The following PCDHA12 variants were observed in gnomAD, a reference collection of about 807,000 sequenced individuals.
PCDHA12 encodes the protein protocadherin alpha-12.
Under a neutral mutation model 60.0 loss-of-function variants are expected in PCDHA12, and 44 were observed. The ratio of observed to expected loss-of-function variants is 0.73; its 90% CI spans 0.58 to 0.94. The LOEUF (loss-of-function observed/expected upper bound fraction) is 0.94, where lower values mean the gene tolerates loss of function less well. PCDHA12 is among the 40% of genes least tolerant of loss of function. PCDHA12 has a pLI of 0.00. For missense variants in PCDHA12, 1,276 were observed against 1,239.7 expected, an observed-to-expected ratio of 1.03 and a Z score of -0.44; for synonymous variants, 569 against 553.0, an observed-to-expected ratio of 1.03 and a Z score of -0.40.
rs1554231844 is a variant in PCDHA12, at chr5:140,969,454, A to G, written c.2368-9495A>G. On this transcript the variant is annotated intron_variant, in intron 1 of 3. Coordinates refer to ENST00000398631, the MANE Select transcript of PCDHA12 (RefSeq NM_018903.4). ...AAGAGTTATCTGGTAAACTGAGTAT[A>G]TATAGTATCCACAATTTGATCATAA... 7.9e-6 allele frequency: 12 copies of G among 1,511,706 alleles called. No individual in the cohort carries two copies. The South Asian group carries it at 9.0e-5, about 11-fold the overall frequency. The allele number at this position is 1,511,706 out of a possible 1,614,324, so 93.6% of individuals were successfully genotyped here.
At chr5:140,976,208 A>G (rs2096706017) in intron 1 of PCDHA12, among the ~76,000 whole-genome samples, 1 of 152,202 alleles carries the variant, frequency 6.6e-6, no homozygotes, top group Non-Finnish European at 1.5e-5. Context: ...TCAGAAGTAA[A>G]AAAGAGAAAG....
chr5:140,876,723 C>G lies in PCDHA12; in HGVS notation c.1251C>G (p.Ser417Arg). 1.2e-6 allele frequency: 2 copies of G among 1,614,250 alleles called. No homozygotes were observed. Among genetic ancestry groups the G allele is most frequent in the African/African-American group, 2.7e-5 (2 of 75,068 alleles). Residue 417 changes from serine to arginine, a missense_variant, in exon 1 of 4, where the codon AGC becomes AGG. Ser to Arg is a moderately radical substitution (Grantham distance 110, BLOSUM62 -1). Coordinates refer to ENST00000398631, the MANE Select transcript of PCDHA12 (RefSeq NM_018903.4). ...TGGACAGCGCCCTGGACCGCGAGAG[C>G]GTGTCGGCCTATGAGCTGGTGGTGA... Reference protein sequence around the residue: ...LVLDSALDRESVSAYELVVTA... With the variant: ...LVLDSALDRERVSAYELVVTA...
chr5:140,969,125 C>T (rs2096298194), intron 1 of PCDHA12: 3 of 1,614,152 alleles, frequency 1.9e-6, no homozygotes, highest in East Asian at 2.2e-5. Flanking sequence ...GAATGGCTCC[C>T]TCACCAAGAC....
intron 1 of PCDHA12, among the ~76,000 whole-genome samples, chr5:140,940,230 TA>T (rs2153645241): frequency 6.6e-6 from 1 of 152,330 alleles, no homozygotes; most frequent in Non-Finnish European, 1.5e-5. Flanking sequence ...TTCATTTTGG[TA>T]CATTAAAGTT....
intron 1 of PCDHA12, among the ~76,000 whole-genome samples, chr5:140,937,010 C>A (rs2091260078): frequency 6.6e-6 from 1 of 151,324 alleles, no homozygotes; most frequent in Non-Finnish European, 1.5e-5. Context: ...GACAGACAAC[C>A]GATTAACAAG....
intron 1 of PCDHA12, among the ~76,000 whole-genome samples, chr5:140,920,082 C>T (rs567545861): frequency 2.0e-5 from 3 of 152,248 alleles, no homozygotes; most frequent in East Asian, 1.9e-4. Context: ...ACAGATTCTC[C>T]GTAGAGCCTC....
At position 140,982,478 on chromosome 5, in the gene PCDHA12, T is replaced by C; in HGVS notation, c.2430T>C (p.Ser810=). ...CTGGGTCTGTGTGTTTATTCAGCTCTGTGCACCTAGAGGAGGCTGGCATTC... is the reference window on the plus strand; with the variant it reads ...CTGGGTCTGTGTGTTTATTCAGCTCCGTGCACCTAGAGGAGGCTGGCATTC... ...SASLRAGMHS[S]VHLEEAGILR... Residue 810 remains serine (S), a synonymous_variant, in exon 3 of 4, where the codon TCT becomes TCC. Coordinates refer to ENST00000398631, the MANE Select transcript of PCDHA12 (RefSeq NM_018903.4). 1 of 1,614,192 alleles carries C rather than the reference T, an allele frequency of 6.2e-7. No individual in the cohort carries two copies. The highest frequency in any genetic ancestry group is 2.2e-5 in the East Asian group (1 of 44,884).
intron 1 of PCDHA12, among the ~76,000 whole-genome samples, chr5:140,898,131 T>C (rs371489317): frequency 6.6e-6 from 1 of 152,156 alleles, no homozygotes; most frequent in Non-Finnish European, 1.5e-5. Context: ...TTCTCCCATT[T>C]TGTAGGTTGC....
intron 1 of PCDHA12, among the ~76,000 whole-genome samples, chr5:140,902,484 G>T (rs1211102117): frequency 3.3e-5 from 5 of 152,096 alleles, no homozygotes; most frequent in African/African-American, 1.2e-4. Context: ...TGCCTGCTCA[G>T]TATGATACTA....
Position 141,010,990 on chromosome 5 carries a change from A to G in PCDHA12, c.*1053A>G, listed in dbSNP as rs1399914066. The stretch of plus-strand genomic sequence containing the variant: ...GTGCTTTAAGAGAATTGCCTGAAAC[A>G]TCTGTATTATATCGGCCACCTGCCA... On this transcript the variant is annotated 3_prime_UTR_variant, in exon 4 of 4. Transcript: ENST00000398631. The G allele has an allele frequency of 6.5e-6, 1 of 153,770 alleles. No individual in the cohort carries two copies. Among genetic ancestry groups the G allele is most frequent in the Non-Finnish European group, 1.5e-5 (1 of 68,054 alleles). 9.5% of individuals were successfully genotyped at this position (153,770 alleles called of 1,614,324 possible). A position where few individuals can be genotyped will look rare whatever the true frequency, so the allele number is the denominator to read the frequency against.
At position 140,877,266 on chromosome 5, in the gene PCDHA12, C is replaced by A. The variant is rs2056980298; in HGVS notation, c.1794C>A (p.Asp598Glu). The A allele has an allele frequency of 4.3e-6, 7 of 1,613,808 alleles. No individual in the cohort carries two copies. The South Asian group carries it at 5.5e-5, about 13-fold the overall frequency. ...TGGTGGCGAAAGTGCGCGCGGTGGA[C>A]GCTGACTCCGGCTATAACGCTTGGC... ...GHVVAKVRAVDADSGYNAWLS... is the reference protein window; with the variant it reads ...GHVVAKVRAVEADSGYNAWLS... The change falls in exon 1 of 4, where the codon GAC becomes GAA. Residue 598 changes from aspartate to glutamate, a missense_variant. Physicochemically the swap from Asp to Glu is conservative, Grantham distance 45. Transcript: ENST00000398631.
intron 3 of PCDHA12, among the ~76,000 whole-genome samples, chr5:141,004,093 C>T (rs1016954345): frequency 1.3e-5 from 2 of 152,164 alleles, no homozygotes; most frequent in African/African-American, 4.8e-5. Flanking sequence ...GTGCTTCTTC[C>T]GTTTTCATCT....
At chr5:140,907,746 T>G (rs1240884837) in intron 1 of PCDHA12, among the ~76,000 whole-genome samples, 3 of 152,302 alleles carry the variant, frequency 2.0e-5, no homozygotes, top group African/African-American at 7.2e-5. Context: ...ATGGCCACTT[T>G]GTTCATGGGC....
chr5:140,881,318 C>G (rs970806128), intron 1 of PCDHA12: 20 of 977,252 alleles, frequency 2.0e-5, no homozygotes, highest in East Asian at 2.3e-4. Context: ...TGGTTAAATT[C>G]TATTTAACCA....
chr5:140,975,612 C>T (rs1554236918), intron 1 of PCDHA12, among the ~76,000 whole-genome samples: 1 of 152,194 alleles, frequency 6.6e-6, no homozygotes, highest in Non-Finnish European at 1.5e-5. Flanking sequence ...ATGTCTTCCA[C>T]ATGGATTTCC....
chr5:140,927,402 C>G, intron 1 of PCDHA12: 1 of 1,614,128 alleles, frequency 6.2e-7, no homozygotes, highest in Non-Finnish European at 8.5e-7. Context: ...AGCACTTTCG[C>G]CTGGACATGG....
At chr5:140,945,954 A>G (rs187878503) in intron 1 of PCDHA12, among the ~76,000 whole-genome samples, 130 of 152,264 alleles carry the variant, frequency 8.5e-4, no homozygotes, top group Non-Finnish European at 1.6e-3. Flanking sequence ...ATGACCCTGA[A>G]AGCACAGGCA....
At chr5:140,964,677 A>G (rs578237071) in intron 1 of PCDHA12, among the ~76,000 whole-genome samples, 11 of 152,090 alleles carry the variant, frequency 7.2e-5, no homozygotes, top group Non-Finnish European at 1.0e-4. Flanking sequence ...CAGGTCCACA[A>G]TTTGTGCACT....
chr5:140,907,727 C>T (rs2153502591), intron 1 of PCDHA12, among the ~76,000 whole-genome samples: 1 of 152,306 alleles, frequency 6.6e-6, no homozygotes, highest in Admixed American at 6.5e-5. Flanking sequence ...AACCTCCATC[C>T]CTGCCACCAT....
Sources: gnomAD v4.1 joint callset for allele counts (sites outside exome capture counted in the v4.1 genomes callset) on GRCh38, gnomAD v4.1.1 for gene constraint, MANE v1.5 for transcripts, NCBI Gene and HGNC (gene_info 2026-07-23, HGNC 2026-07-21) for gene names.